Variants in AKAP7 observed in about 807,000 individuals in gnomAD.
The protein encoded by AKAP7 is A-kinase anchoring protein 7, also known as A kinase (PRKA) anchor protein 7.
In AKAP7, 39 loss-of-function variants were observed where a neutral mutation model predicts 39.5. The observed-to-expected ratio is 0.99, with a 90% CI of 0.76 to 1.29. The LOEUF (loss-of-function observed/expected upper bound fraction) is 1.29. Ranked by LOEUF, AKAP7 falls within the 50% of genes most tolerant of loss-of-function variation. The probability of loss-of-function intolerance (pLI) is 0.00; values close to 1 mark genes in which losing one functional copy is unlikely to be tolerated. For missense variants in AKAP7, 414 were observed against 407.7 expected (o/e 1.02, Z -0.13); for synonymous variants, 140 against 139.1 (o/e 1.01, Z -0.05).
Position 131,167,375 on chromosome 6 carries a change from G to A in AKAP7, c.429-1738G>A, listed in dbSNP as rs75851384. Among the ~76,000 whole-genome samples the A allele has an allele frequency of 5.1e-3, 771 of 152,166 alleles. 8 individuals carry two copies. Among genetic ancestry groups the A allele is most frequent in the African/African-American group, 0.018 (729 of 41,526 alleles). ...CATCTATATTTCTTTAAAGAATAAC[G>A]ACATAGAATTCACTGTCTCTGAAAA... On this transcript the variant is annotated intron_variant, in intron 4 of 7. Coordinates refer to ENST00000431975, the MANE Select transcript of AKAP7 (RefSeq NM_016377.4).
upstream of AKAP7, among the ~76,000 whole-genome samples, chr6:131,131,815 T>C (rs377392053): frequency 7.2e-5 from 11 of 152,134 alleles, no homozygotes; most frequent in African/African-American, 2.7e-4. Context: ...ATCTTGACCA[T>C]AGCTGCGGTC....
At chr6:131,238,180 G>A (rs1373266288) in intron 7 of AKAP7, among the ~76,000 whole-genome samples, 3 of 152,190 alleles carry the variant, frequency 2.0e-5, no homozygotes, top group Admixed American at 6.5e-5. Flanking sequence ...AGTCATTCAG[G>A]AGCAGGTTGT....
chr6:131,195,475 G>A (rs535640113), intron 5 of AKAP7, among the ~76,000 whole-genome samples: 67 of 152,118 alleles, frequency 4.4e-4, no homozygotes, highest in African/African-American at 1.3e-3. Context: ...ATACACCACC[G>A]TTACAGTGTT....
chr6:131,199,593 G>A lies in AKAP7; in HGVS notation c.702+20G>A. 1 of 1,549,342 alleles carries A rather than the reference G, an allele frequency of 6.5e-7. No individual in the cohort carries two copies. Among genetic ancestry groups the A allele is most frequent in the Non-Finnish European group, 8.9e-7 (1 of 1,121,584 alleles). On this transcript the variant is annotated intron_variant, in intron 6 of 7. Coordinates refer to ENST00000431975, the MANE Select transcript of AKAP7 (RefSeq NM_016377.4). ...AAGAATGTGAGTGCATGTTCTTATTGCAAGCCTGTTTTACCAGGCCACACC... is the reference window on the plus strand; with the variant it reads ...AAGAATGTGAGTGCATGTTCTTATTACAAGCCTGTTTTACCAGGCCACACC...
At chr6:131,221,506 A>G (rs571153791) in intron 7 of AKAP7, among the ~76,000 whole-genome samples, 156 of 152,354 alleles carry the variant, frequency 1.0e-3, no homozygotes, top group African/African-American at 3.4e-3. Flanking sequence ...CAGATTTTCA[A>G]TGTAGACAAA....
At chr6:131,200,984 T>C (rs905780835) in intron 6 of AKAP7, 1 of 152,210 alleles carries the variant, frequency 6.6e-6, no homozygotes, top group Non-Finnish European at 1.5e-5. Context: ...CAAGGACATT[T>C]ATTTAAAAAA....
rs142118928 is a variant in AKAP7, at chr6:131,222,819, G to A, written c.850+3011G>A. Among the ~76,000 whole-genome samples, 100 of 152,326 alleles carry A rather than the reference G, an allele frequency of 6.6e-4. 2 individuals are homozygous for A. Among genetic ancestry groups the A allele is most frequent in the African/African-American group, 2.3e-3 (97 of 41,576 alleles). On this transcript the variant is annotated intron_variant, in intron 7 of 7. Coordinates refer to ENST00000431975, the MANE Select transcript of AKAP7 (RefSeq NM_016377.4). ...TCCAATTTTGAAGAAGTTTTACTGT[G>A]GGTAAAATGTTATCAAACAGCATTC... is the stretch of plus-strand genomic sequence containing the variant.
chr6:131,145,827 T>A (rs987033145), intron 2 of AKAP7, among the ~76,000 whole-genome samples: 1 of 152,184 alleles, frequency 6.6e-6, no homozygotes, highest in African/African-American at 2.4e-5. Context: ...GTGCTGGGAT[T>A]ACAGATGTGA....
intron 5 of AKAP7, chr6:131,184,387 G>T: frequency 1.5e-6 from 1 of 666,446 alleles, no homozygotes; most frequent in Non-Finnish European, 2.9e-6. Flanking sequence ...AGACACAGGT[G>T]GCACCTCCAA....
chr6:131,280,546 C>T (rs1221065827), intron 7 of AKAP7, among the ~76,000 whole-genome samples: 1 of 152,212 alleles, frequency 6.6e-6, no homozygotes, highest in African/African-American at 2.4e-5. Context: ...CACTCACTGG[C>T]TTTGCCTTCT....
chr6:131,230,130 T>C (rs1810514892), intron 7 of AKAP7, among the ~76,000 whole-genome samples: 1 of 152,210 alleles, frequency 6.6e-6, no homozygotes. Context: ...GATTTCTGGG[T>C]TGAATGGTAG....
intron 5 of AKAP7, among the ~76,000 whole-genome samples, chr6:131,171,310 A>G (rs930645513): frequency 2.6e-5 from 4 of 152,198 alleles, no homozygotes; most frequent in African/African-American, 9.6e-5. Flanking sequence ...CATAGGAAGG[A>G]GAAGGGGGCG....
chr6:131,141,047 T>C (rs1241556815), intron 1 of AKAP7, among the ~76,000 whole-genome samples: 3 of 152,214 alleles, frequency 2.0e-5, no homozygotes, highest in Non-Finnish European at 4.4e-5. Context: ...AAGAATGTAC[T>C]ATTAGGGTTT....
intron 7 of AKAP7, among the ~76,000 whole-genome samples, chr6:131,272,774 T>A (rs941916301): frequency 1.3e-5 from 2 of 152,192 alleles, no homozygotes; most frequent in Non-Finnish European, 2.9e-5. Context: ...CAGAATGTGG[T>A]CTCTCTTGGC....
intron 1 of AKAP7, among the ~76,000 whole-genome samples, chr6:131,145,081 A>G (rs960966934): frequency 2.0e-5 from 3 of 152,126 alleles, no homozygotes; most frequent in African/African-American, 4.8e-5. Flanking sequence ...AAAATGATTA[A>G]AGCTTTATAA....
chr6:131,232,673 A>G (rs983121258), intron 7 of AKAP7, among the ~76,000 whole-genome samples: 1 of 152,070 alleles, frequency 6.6e-6, no homozygotes, highest in African/African-American at 2.4e-5. Flanking sequence ...TAGCCAGGCA[A>G]TCCCAGCTAC....
At chr6:131,251,563 A>G (rs1585179671) in intron 7 of AKAP7, among the ~76,000 whole-genome samples, 1 of 118,710 alleles carries the variant, frequency 8.4e-6, no homozygotes, top group Non-Finnish European at 1.9e-5. Flanking sequence ...CTAGCCAGGG[A>G]CTGTTAAAAA....
chr6:131,199,943 G>C (rs1156258357), intron 6 of AKAP7: 1 of 236,500 alleles, frequency 4.2e-6, no homozygotes, highest in African/African-American at 2.4e-5. Flanking sequence ...CTGCTGGCCT[G>C]TTACGCTGGT....
chr6:131,218,351 T>C (rs899580827), intron 6 of AKAP7, among the ~76,000 whole-genome samples: 12 of 152,230 alleles, frequency 7.9e-5, no homozygotes, highest in Non-Finnish European at 1.5e-4. Flanking sequence ...TATTATATTA[T>C]GACACAGCAT....
Sources: gnomAD v4.1 joint callset for allele counts (sites outside exome capture counted in the v4.1 genomes callset) on GRCh38, gnomAD v4.1.1 for gene constraint, MANE v1.5 for transcripts, NCBI Gene and HGNC (gene_info 2026-07-23, HGNC 2026-07-21) for gene names.